Variants in C10orf105 observed in about 807,000 individuals in gnomAD.
C10orf105 encodes the protein uncharacterized protein C10orf105.
Under a neutral mutation model 0.6 loss-of-function variants are expected in C10orf105, and 2 were observed. The observed-to-expected ratio is 3.18, with a 90% CI of 1.30 to 10.01. C10orf105 has a LOEUF of 10.01. Among genes scored for constraint, C10orf105 ranks in the 30% most tolerant of loss-of-function variants. The pLI, the probability that C10orf105 is intolerant of heterozygous loss-of-function variation, is 0.04. For missense variants in C10orf105, 209 were observed against 191.4 expected (o/e 1.09, Z -0.54); for synonymous variants, 95 against 82.4 (o/e 1.15, Z -0.83).
At chr10:71,730,226 C>A (rs555897845) in intron 1 of C10orf105, among the ~76,000 whole-genome samples, 1 of 152,316 alleles carries the variant, frequency 6.6e-6, no homozygotes, top group South Asian at 2.1e-4. Context: ...CAGCATTAGT[C>A]AAAAAGCCAA....
intron 1 of C10orf105, among the ~76,000 whole-genome samples, chr10:71,733,802 T>G (rs900781968): frequency 2.6e-5 from 4 of 152,220 alleles, no homozygotes; most frequent in Non-Finnish European, 5.9e-5. Context: ...TCAGAATTCC[T>G]TCTTTGAAAG....
In C10orf105 at chr10:71,713,081, C is replaced by A. The variant is rs531282921; in HGVS notation, c.*2855G>T. 4.0e-6 allele frequency: 3 copies of A among 753,612 alleles called. No individual in the cohort carries two copies. Among genetic ancestry groups the A allele is most frequent in the Non-Finnish European group, 7.4e-6 (3 of 405,526 alleles). The allele number at this position is 753,612 out of a possible 1,614,324, so 46.7% of individuals were successfully genotyped here. ...ACTTGGCCTCCCCCTGCATATCTCC[C>A]GCCCCACCCAGAAGGGCCTTTCAGA... On this transcript the variant is annotated 3_prime_UTR_variant, in exon 2 of 2. Transcript: ENST00000441508.
At chr10:71,729,244 T>G (rs1367807506) in intron 1 of C10orf105, among the ~76,000 whole-genome samples, 1 of 152,158 alleles carries the variant, frequency 6.6e-6, no homozygotes, top group Non-Finnish European at 1.5e-5. Context: ...AATTGCACAA[T>G]TCAGAAACAG....
Position 71,715,850 on chromosome 10 carries a change from C to G in C10orf105, c.*86G>C. 7.5e-7 allele frequency: 1 copy of G among 1,330,664 alleles called. No homozygotes were observed. Among genetic ancestry groups the G allele is most frequent in the Non-Finnish European group, 1.0e-6 (1 of 1,003,930 alleles). 82.4% of individuals were successfully genotyped at this position (1,330,664 alleles called of 1,614,324 possible). A position where few individuals can be genotyped will look rare whatever the true frequency, so the allele number is the denominator to read the frequency against. On this transcript the variant is annotated 3_prime_UTR_variant, in exon 2 of 2. Transcript: ENST00000441508. ...CCCAGACTGCTTGGGCCACTGTCTT[C>G]CTGCAGCCTGCAGCACCGGTCTCTG... is the stretch of plus-strand genomic sequence containing the variant.
In C10orf105 at chr10:71,715,799, A is replaced by G; in HGVS notation, c.*137T>C. The G allele has an allele frequency of 1.2e-6, 1 of 810,922 alleles. No homozygotes were observed. The highest frequency in any genetic ancestry group is 3.2e-5 in the East Asian group (1 of 30,852). 50.2% of individuals were successfully genotyped at this position (810,922 alleles called of 1,614,324 possible). On this transcript the variant is annotated 3_prime_UTR_variant, in exon 2 of 2. Coordinates refer to ENST00000441508, the MANE Select transcript of C10orf105 (RefSeq NM_001164375.3). Reference sequence around the variant, plus strand: ...GAAAGGGCGCTGGCCTGGGCATGCAAGGAGCTTCGGGGGGTGAGTGTGTGT... The same window carrying G: ...GAAAGGGCGCTGGCCTGGGCATGCAGGGAGCTTCGGGGGGTGAGTGTGTGT...
At chr10:71,728,860 C>T (rs1399403745) in intron 1 of C10orf105, among the ~76,000 whole-genome samples, 1 of 152,170 alleles carries the variant, frequency 6.6e-6, no homozygotes, top group Non-Finnish European at 1.5e-5. Flanking sequence ...CATGTCACCA[C>T]CCCCGGCTAA....
Position 71,716,179 on chromosome 10 carries a change from C to T in C10orf105, c.159G>A (p.Leu53=), listed in dbSNP as rs960107598. The change falls in exon 2 of 2, where the codon CTG becomes CTA. Residue 53 remains leucine (L), a synonymous_variant. Coordinates refer to ENST00000441508, the MANE Select transcript of C10orf105 (RefSeq NM_001164375.3). ...ACIFLLLATC[L]LFMTLCKPAA... is the part of the protein sequence containing the mutation. ...CCGGCTTGCAGAGCGTCATGAACAG[C>T]AGACAGGTGGCCAGCAGGAGGAAGA... 1 of 1,550,860 alleles carries T rather than the reference C, an allele frequency of 6.4e-7. No homozygotes were observed. Among genetic ancestry groups the T allele is most frequent in the African/African-American group, 1.4e-5 (1 of 73,016 alleles).
chr10:71,737,604 T>G (rs968023119), intron 1 of C10orf105: 1 of 449,238 alleles, frequency 2.2e-6, no homozygotes. Context: ...GAACCCCACA[T>G]GCAGGGAAGC....
intron 1 of C10orf105, chr10:71,734,510 T>A (rs373618194): frequency 7.6e-6 from 12 of 1,583,928 alleles, no homozygotes; most frequent in Non-Finnish European, 1.0e-5. Context: ...CCCAGCAGGT[T>A]GGGCTAGGAT....
chr10:71,731,636 C>A (rs1315477011), intron 1 of C10orf105, among the ~76,000 whole-genome samples: 1 of 152,174 alleles, frequency 6.6e-6, no homozygotes, highest in Non-Finnish European at 1.5e-5. Context: ...ATCAAAGCCT[C>A]CACTACAAGA....
At position 71,732,045 on chromosome 10, in the gene C10orf105, T is replaced by A. The variant is rs2132824576; in HGVS notation, c.-6+5683A>T. The A allele has an allele frequency of 6.2e-7, 1 of 1,613,964 alleles. No individual in the cohort carries two copies. Among genetic ancestry groups the A allele is most frequent in the Non-Finnish European group, 8.5e-7 (1 of 1,179,890 alleles). On this transcript the variant is annotated intron_variant, in intron 1 of 1. Coordinates refer to the C10orf105 transcript ENST00000398786. ...CGGGCGCAGAGGGGAAGTTTGAGAT[T>A]GACGAGAGCACAGGGCTTATCATCA...
At position 71,716,253 on chromosome 10, in the gene C10orf105, G is replaced by T; in HGVS notation, c.85C>A (p.Leu29Ile). The change falls in exon 2 of 2, where the codon CTT becomes ATT. Residue 29 changes from leucine to isoleucine, a missense_variant. By Grantham distance (5) the Leu-to-Ile change is conservative. Transcript: ENST00000441508. ...GGGAGGGGGTCAGTTGCCTCTGCAAGGGTCCCGGGAGTGACGGGAGCTGAG... is the reference window on the plus strand; with the variant it reads ...GGGAGGGGGTCAGTTGCCTCTGCAATGGTCCCGGGAGTGACGGGAGCTGAG... ...FLSAPVTPGT[L>I]AEATDPLPML... 1 of 1,548,650 alleles carries T rather than the reference G, an allele frequency of 6.5e-7. No homozygotes were observed. Among genetic ancestry groups the T allele is most frequent in the Non-Finnish European group, 8.7e-7 (1 of 1,145,390 alleles).
intron 1 of C10orf105, chr10:71,725,277 G>C: frequency 1.3e-6 from 2 of 1,568,076 alleles, no homozygotes; most frequent in African/African-American, 1.3e-5. Flanking sequence ...ACAAGGAGGG[G>C]ACTGGTGAAC....
chr10:71,711,890 C>T lies in C10orf105; in HGVS notation c.*4046G>A, dbSNP rs375044639. ...AGGTGCTATACCCGCCAGTCCCTGA[C>T]AGCAGTTGGCTTTTTGCTCTTAGTA... On this transcript the variant is annotated 3_prime_UTR_variant, in exon 2 of 2. Transcript: ENST00000441508. The T allele has an allele frequency of 2.0e-5, 3 of 152,286 alleles. No homozygotes were observed. Among genetic ancestry groups the T allele is most frequent in the African/African-American group, 7.2e-5 (3 of 41,558 alleles). 9.4% of individuals were successfully genotyped at this position (152,286 alleles called of 1,614,324 possible).
chr10:71,717,901 A>G (rs187722476), intron 1 of C10orf105: 69 of 152,394 alleles, frequency 4.5e-4, no homozygotes, highest in African/African-American at 1.6e-3. Flanking sequence ...ACTTGATTTC[A>G]AAATAATGTG....
intron 1 of C10orf105, among the ~76,000 whole-genome samples, chr10:71,726,982 T>C (rs182058772): frequency 6.6e-6 from 1 of 152,302 alleles, no homozygotes; most frequent in Admixed American, 6.5e-5. Context: ...AGCCAGACTG[T>C]GACAATCAGT....
chr10:71,723,738 C>T (rs1000350229), upstream of C10orf105, among the ~76,000 whole-genome samples: 5 of 152,216 alleles, frequency 3.3e-5, no homozygotes, highest in Admixed American at 2.0e-4. Context: ...CCTGAGAAAG[C>T]CTGGACCCAG....
At chr10:71,729,850 T>G (rs936164466) in intron 1 of C10orf105, among the ~76,000 whole-genome samples, 1 of 152,024 alleles carries the variant, frequency 6.6e-6, no homozygotes, top group Non-Finnish European at 1.5e-5. Flanking sequence ...ATTTTTTTTT[T>G]TTGAGATGGA....
At chr10:71,721,584 C>A (rs1866557924), upstream of C10orf105, among the ~76,000 whole-genome samples, 1 of 152,198 alleles carries the variant, frequency 6.6e-6, no homozygotes, top group Non-Finnish European at 1.5e-5. Flanking sequence ...TTGGGTGTGC[C>A]TGACCCAGGG....
Sources: gnomAD v4.1 joint callset for allele counts (sites outside exome capture counted in the v4.1 genomes callset) on GRCh38, gnomAD v4.1.1 for gene constraint, MANE v1.5 for transcripts, NCBI Gene and HGNC (gene_info 2026-07-23, HGNC 2026-07-21) for gene names.